ARHGDIB: variants seen among roughly 807,000 people sequenced by gnomAD.
The protein encoded by ARHGDIB is Rho GDP dissociation inhibitor beta.
ARHGDIB carries 20 observed loss-of-function variants against 22.6 expected under a neutral mutation model. That is an observed-to-expected ratio of 0.88 (90% CI 0.62 to 1.28). The LOEUF (loss-of-function observed/expected upper bound fraction) is 1.28. Ranked by LOEUF, ARHGDIB falls within the 50% of genes most tolerant of loss-of-function variation. The pLI is 0.00. For synonymous variants in ARHGDIB, 114 were observed against 96.1 expected (o/e 1.19, Z -1.09); for missense variants, 254 against 245.4 (o/e 1.04, Z -0.23).
chr12:14,956,894 A>G (rs1864311598), intron 1 of ARHGDIB, among the ~76,000 whole-genome samples: 1 of 152,222 alleles, frequency 6.6e-6, no homozygotes, highest in Admixed American at 6.5e-5. Flanking sequence ...ATGACATAGC[A>G]CACATCAATG....
At chr12:14,958,570 A>C (rs4140768) in intron 1 of ARHGDIB, among the ~76,000 whole-genome samples, 64,204 of 152,110 alleles carry the variant, frequency 0.42, 14,693 homozygotes, top group Non-Finnish European at 0.53. Flanking sequence ...CAACGTGTGA[A>C]GTCATGCCAC....
chr12:14,945,069 T>C (rs1863979232), intron 4 of ARHGDIB, among the ~76,000 whole-genome samples: 1 of 152,200 alleles, frequency 6.6e-6, no homozygotes, highest in South Asian at 2.1e-4. Flanking sequence ...AACATTTTGA[T>C]TTTTACCGTT....
chr12:14,953,837 CTCTT>C (rs1329485731), intron 1 of ARHGDIB, among the ~76,000 whole-genome samples: 2 of 151,080 alleles, frequency 1.3e-5, no homozygotes, highest in Admixed American at 6.6e-5. Flanking sequence ...CTCTCTCTCT[CTCTT>C]TCTCTTTCTC....
rs1429129950 is a variant in ARHGDIB at position 14,959,330 on chromosome 12, A to C, written c.-13+2207T>G. Reference sequence around the variant, plus strand: ...CTACTCGGGAGGTTGAGGCGGGAGGATCACGTGAGCCTCCTGAGTAGGTAG... The same window carrying C: ...CTACTCGGGAGGTTGAGGCGGGAGGCTCACGTGAGCCTCCTGAGTAGGTAG... On this transcript the variant is annotated intron_variant, in intron 1 of 5. Transcript: ENST00000228945. Among the ~76,000 whole-genome samples, 11 of 152,254 alleles carry C rather than the reference A, an allele frequency of 7.2e-5. No homozygotes were observed. The East Asian group carries it at 1.9e-3, about 27-fold the overall frequency.
chr12:14,951,085 AG>A (rs1043362095), intron 1 of ARHGDIB: 1 of 161,004 alleles, frequency 6.2e-6, no homozygotes, highest in African/African-American at 2.4e-5. Flanking sequence ...GAGTTATCAC[AG>A]TCCTCCAAAT....
At chr12:14,945,386 T>C (rs1472614224) in intron 4 of ARHGDIB, among the ~76,000 whole-genome samples, 4 of 152,218 alleles carry the variant, frequency 2.6e-5, no homozygotes, top group African/African-American at 4.8e-5. Context: ...GAAATTCACT[T>C]GTATCTGGCA....
At chr12:14,950,890 C>T (rs890406190) in intron 1 of ARHGDIB, 166 bp from the exon 2 acceptor site, 1 of 555,744 alleles carries the variant, frequency 1.8e-6, no homozygotes, top group African/African-American at 1.9e-5. Context: ...AAATAATAAT[C>T]TAATGTATTC....
At chr12:14,947,851 A>G in intron 4 of ARHGDIB, 22 bp downstream of exon 4, 13 of 1,559,202 alleles carry the variant, frequency 8.3e-6, no homozygotes, top group Non-Finnish European at 1.1e-5. Flanking sequence ...CTTTACAAAA[A>G]CACACAAGGC....
At chr12:14,958,699 G>A (rs1017783713) in intron 1 of ARHGDIB, among the ~76,000 whole-genome samples, 2 of 152,194 alleles carry the variant, frequency 1.3e-5, no homozygotes, top group Admixed American at 6.5e-5. Context: ...TGAAAAGTTA[G>A]ACAGAATTGA....
At chr12:14,944,752 G>A in intron 5 of ARHGDIB, 24 bp downstream of exon 5, 2 of 1,609,706 alleles carry the variant, frequency 1.2e-6, no homozygotes, top group Non-Finnish European at 1.7e-6. Context: ...GTTTGGGACA[G>A]TGTGGAAATG....
intron 5 of ARHGDIB, 91 bp from the exon 6 acceptor site, chr12:14,942,812 G>C (rs1333918862): frequency 8.9e-7 from 1 of 1,124,906 alleles, no homozygotes; most frequent in Non-Finnish European, 1.3e-6. Context: ...AGCCTACAGT[G>C]ATTAAAGTCA....
intron 2 of ARHGDIB, 91 bp downstream of exon 2, chr12:14,950,441 C>T (rs1864140597): frequency 5.0e-6 from 6 of 1,189,182 alleles, no homozygotes; most frequent in Non-Finnish European, 2.4e-6. Flanking sequence ...AGCAGTTGGT[C>T]CTCTTCCCTT....
chr12:14,954,373 A>T (rs569226732), intron 1 of ARHGDIB, among the ~76,000 whole-genome samples: 8 of 152,340 alleles, frequency 5.3e-5, no homozygotes, highest in East Asian at 1.9e-4. Context: ...GAAGCAGAAG[A>T]TATCAGGTGA....
At chr12:14,952,469 C>T (rs1370239451) in intron 1 of ARHGDIB, among the ~76,000 whole-genome samples, 1 of 152,048 alleles carries the variant, frequency 6.6e-6, no homozygotes, top group Non-Finnish European at 1.5e-5. Context: ...CTTGCTTTAG[C>T]AGAAGAAACA....
intron 1 of ARHGDIB, 60 bp from the exon 2 acceptor site, chr12:14,950,784 G>T: frequency 7.1e-7 from 1 of 1,415,190 alleles, no homozygotes; most frequent in South Asian, 1.4e-5. Context: ...GATGTTAGTG[G>T]GGCTGCTGTT....
At chr12:14,954,508 T>C (rs1864256862) in intron 1 of ARHGDIB, among the ~76,000 whole-genome samples, 1 of 152,206 alleles carries the variant, frequency 6.6e-6, no homozygotes, top group Non-Finnish European at 1.5e-5. Context: ...AATGCTCTCT[T>C]CATTGAACTA....
chr12:14,959,243 A>T (rs1864362028), intron 1 of ARHGDIB, among the ~76,000 whole-genome samples: 3 of 151,980 alleles, frequency 2.0e-5, no homozygotes, highest in Admixed American at 6.6e-5. Flanking sequence ...ACATGGAGAA[A>T]CCCCGTCTCT....
At chr12:14,958,162 A>T (rs952207042) in intron 1 of ARHGDIB, among the ~76,000 whole-genome samples, 1 of 152,144 alleles carries the variant, frequency 6.6e-6, no homozygotes, top group African/African-American at 2.4e-5. Flanking sequence ...TTGGTGTATT[A>T]CGGGATTGCA....
intron 1 of ARHGDIB, among the ~76,000 whole-genome samples, chr12:14,959,322 G>A (rs1217380242): frequency 6.6e-6 from 1 of 152,196 alleles, no homozygotes; most frequent in East Asian, 1.9e-4. Context: ...GGAGGTTGAG[G>A]CGGGAGGATC....
Sources: allele counts gnomAD v4.1 joint callset (sites outside exome capture counted in the v4.1 genomes callset), GRCh38; gene constraint gnomAD v4.1.1; transcripts MANE v1.5; gene names NCBI Gene and HGNC (gene_info 2026-07-23, HGNC 2026-07-21).